Variants in ADGRL3 observed in about 807,000 individuals in gnomAD.
ADGRL3 encodes the protein calcium-independent alpha-latrotoxin receptor 3.
A neutral mutation model predicts 153.5 loss-of-function variants in ADGRL3; 62 were observed. The observed-to-expected ratio is 0.40, with a 90% CI of 0.33 to 0.50. ADGRL3 has a LOEUF of 0.50. ADGRL3 is among the 20% of genes least tolerant of loss of function. The pLI is 0.47. For synonymous variants in ADGRL3, 710 were observed against 672.5 expected, an observed-to-expected ratio of 1.06 and a Z score of -0.86; for missense variants, 1,641 against 1,859.4, an observed-to-expected ratio of 0.88 and a Z score of 2.16.
At chr4:62,043,097 C>A (rs1471846541) in intron 24 of ADGRL3, among the ~76,000 whole-genome samples, 1 of 151,988 alleles carries the variant, frequency 6.6e-6, no homozygotes, top group Non-Finnish European at 1.5e-5. Flanking sequence ...TTCATCCATC[C>A]TACCATTGAC....
chr4:61,901,351 T>A (rs1424613692), intron 11 of ADGRL3, among the ~76,000 whole-genome samples: 1 of 152,158 alleles, frequency 6.6e-6, no homozygotes, highest in African/African-American at 2.4e-5. Flanking sequence ...TCATTTGACA[T>A]TTTACAGTAT....
At chr4:61,391,855 C>CCT (rs2096807285) in intron 2 of ADGRL3, among the ~76,000 whole-genome samples, 1 of 93,656 alleles carries the variant, frequency 1.1e-5, no homozygotes, top group Non-Finnish European at 2.0e-5. Flanking sequence ...AAAAATGCTA[C>CCT]TTTTTTTTTT....
intron 2 of ADGRL3, among the ~76,000 whole-genome samples, chr4:61,433,016 G>T (rs1483902734): frequency 6.6e-6 from 1 of 151,970 alleles, no homozygotes; most frequent in Non-Finnish European, 1.5e-5. Context: ...GCATAGAACA[G>T]AGAAATAAAA....
At chr4:61,335,140 C>G (rs6551623) in intron 1 of ADGRL3, among the ~76,000 whole-genome samples, 119,725 of 151,998 alleles carry the variant, frequency 0.79, 47,609 homozygotes, top group East Asian at 0.98. Flanking sequence ...TAAAATGTTG[C>G]GTTAATAGCT....
At chr4:61,227,011 C>T (rs559987044) in intron 1 of ADGRL3, among the ~76,000 whole-genome samples, 15 of 107,272 alleles carry the variant, frequency 1.4e-4, no homozygotes, top group Middle Eastern at 4.6e-3. Context: ...ATCTTTGCTT[C>T]GGGAGTAAGC....
intron 9 of ADGRL3, among the ~76,000 whole-genome samples, chr4:61,819,982 A>G (rs530799398): frequency 2.2e-4 from 34 of 152,158 alleles, no homozygotes; most frequent in Non-Finnish European, 4.0e-4. Context: ...ATGGGTCACC[A>G]TTCTACCTCC....
intron 5 of ADGRL3, among the ~76,000 whole-genome samples, chr4:61,614,875 A>T (rs574445748): frequency 6.6e-6 from 1 of 152,278 alleles, no homozygotes; most frequent in South Asian, 2.1e-4. Flanking sequence ...TATCAGCTCT[A>T]TGAGCATAGA....
intron 24 of ADGRL3, 128 bp from the exon 25 acceptor site, chr4:62,044,325 T>C: frequency 1.5e-6 from 1 of 653,716 alleles, no homozygotes; most frequent in South Asian, 1.9e-5. Flanking sequence ...TGCAAACATG[T>C]AGTTGTCTAT....
chr4:61,779,079 T>C (rs895827721), intron 8 of ADGRL3, among the ~76,000 whole-genome samples: 1 of 151,686 alleles, frequency 6.6e-6, no homozygotes, highest in African/African-American at 2.4e-5. Flanking sequence ...AAATCACTTG[T>C]AGAGGAAATA....
At chr4:61,751,227 C>T (rs2096753010) in intron 8 of ADGRL3, among the ~76,000 whole-genome samples, 1 of 152,002 alleles carries the variant, frequency 6.6e-6, no homozygotes. Flanking sequence ...CAAATCAGAG[C>T]CTGAAATGGT....
intron 8 of ADGRL3, among the ~76,000 whole-genome samples, chr4:61,765,383 G>A (rs2096964448): frequency 6.6e-6 from 1 of 152,070 alleles, no homozygotes; most frequent in Admixed American, 6.5e-5. Context: ...CTGAAGACAG[G>A]CCTGAATTCT....
rs2096745489 is a variant in ADGRL3 at position 61,750,743 on chromosome 4, T to A, written c.1399+17189T>A. ...AGGCGGAGCTTGCAGTGAGCCGAGA[T>A]CCCGCCACTGCACTCCAGCCTGGGC... On this transcript the variant is annotated intron_variant, in intron 8 of 26. Transcript: ENST00000683033. Among the ~76,000 whole-genome samples the A allele has an allele frequency of 2.1e-5, 3 of 141,488 alleles. No individual in the cohort carries two copies. In the Admixed American group the frequency reaches 2.2e-4, roughly 10 times the overall value. The allele number at this position is 141,488 out of a possible 152,430, so 92.8% of individuals were successfully genotyped here. A position where few individuals can be genotyped will look rare whatever the true frequency, so the allele number is the denominator to read the frequency against.
Position 61,582,224 on chromosome 4 carries a change from CAT to C in ADGRL3, c.260-5002_260-5001del, listed in dbSNP as rs1413760651. 4.0e-5 allele frequency among the ~76,000 whole-genome samples: 6 copies of C among 151,826 alleles called. No individual in the cohort carries two copies. The South Asian group carries it at 6.2e-4, about 16-fold the overall frequency. On this transcript the variant is annotated intron_variant, in intron 4 of 26. Transcript: ENST00000683033. Reference sequence around the variant, plus strand: ...TAAATTCTGGGATACATGTGCAGGACATGCAGGTCTGTTACATAGGTAAATGG... The same window carrying C: ...TAAATTCTGGGATACATGTGCAGGACGCAGGTCTGTTACATAGGTAAATGG...
At chr4:61,236,008 C>CTT (rs55932029) in intron 1 of ADGRL3, among the ~76,000 whole-genome samples, 25,344 of 95,854 alleles carry the variant, frequency 0.26, 4,466 homozygotes, top group East Asian at 0.34. Flanking sequence ...CTTTTCTTTT[C>CTT]TTTTTTTTTT....
intron 2 of ADGRL3, among the ~76,000 whole-genome samples, chr4:61,453,454 A>T (rs561467142): frequency 6.6e-6 from 1 of 152,208 alleles, no homozygotes; most frequent in African/African-American, 2.4e-5. Context: ...ATCTCAGAGC[A>T]TTGTGTTCCG....
At chr4:61,501,544 C>T (rs2098386937) in intron 3 of ADGRL3, among the ~76,000 whole-genome samples, 1 of 152,020 alleles carries the variant, frequency 6.6e-6, no homozygotes, top group Admixed American at 6.6e-5. Flanking sequence ...CTATGTTTTG[C>T]CAAACATTTC....
At chr4:61,495,768 A>G (rs2152803177) in intron 2 of ADGRL3, among the ~76,000 whole-genome samples, 1 of 152,278 alleles carries the variant, frequency 6.6e-6, no homozygotes, top group African/African-American at 2.4e-5. Context: ...AAGATTCCTC[A>G]TCTTGAATTG....
chr4:61,462,638 G>T (rs1188104369), intron 2 of ADGRL3, among the ~76,000 whole-genome samples: 1 of 152,098 alleles, frequency 6.6e-6, no homozygotes, highest in Non-Finnish European at 1.5e-5. Context: ...GTTAACAGAG[G>T]TCGTAATAGA....
chr4:61,750,810 A>AAAAAAAAAAAAGG (rs746270309), intron 8 of ADGRL3, among the ~76,000 whole-genome samples: 2 of 147,094 alleles, frequency 1.4e-5, no homozygotes, highest in African/African-American at 5.3e-5. Context: ...AAAAAAAAAA[A>AAAAAAAAAAAAGG]AAGTCAAAGC....
Sources: allele counts gnomAD v4.1 joint callset (sites outside exome capture counted in the v4.1 genomes callset), GRCh38; gene constraint gnomAD v4.1.1; transcripts MANE v1.5; gene names NCBI Gene and HGNC (gene_info 2026-07-23, HGNC 2026-07-21).